Variants in CLVS1 observed in about 807,000 individuals in gnomAD.
CLVS1 encodes the protein clavesin 1, also known as clavesin-1.
CLVS1 carries 10 observed loss-of-function variants against 33.1 expected under a neutral mutation model. The observed-to-expected ratio is 0.30, with a 90% CI of 0.19 to 0.51. The LOEUF (loss-of-function observed/expected upper bound fraction) is 0.51. Among genes scored for constraint, CLVS1 ranks in the 20% least tolerant of loss-of-function variants. The pLI is 0.97. For missense variants in CLVS1, 343 were observed against 433.4 expected (o/e 0.79, Z 1.85); for synonymous variants, 163 against 166.1 (o/e 0.98, Z 0.14).
intron 2 of CLVS1, among the ~76,000 whole-genome samples, chr8:61,334,695 A>T (rs946092458): frequency 6.6e-6 from 1 of 152,114 alleles, no homozygotes; most frequent in Non-Finnish European, 1.5e-5. Context: ...GAGGAGAGGC[A>T]CTTTCCACTG....
Position 61,118,266 on chromosome 8 carries a change from TTTC to T in CLVS1, c.-242-13501_-242-13499del, listed in dbSNP as rs1805780529. The stretch of plus-strand genomic sequence containing the variant: ...CGTCTATTAGATTCTTCTCTCTTTT[TTTC>T]TTTATTAGTCTTGCTAGCGGTCTAT... On this transcript the variant is annotated intron_variant, in intron 1 of 2. Coordinates refer to the CLVS1 transcript ENST00000522621. Among the ~76,000 whole-genome samples the T allele has an allele frequency of 3.3e-5, 5 of 152,282 alleles. No individual in the cohort carries two copies. The South Asian group carries it at 1.0e-3, about 32-fold the overall frequency.
At chr8:61,015,178 C>T in the CLVS1 span, among the ~76,000 whole-genome samples, 1 of 152,222 alleles carries the variant, frequency 6.6e-6, no homozygotes, top group Non-Finnish European at 1.5e-5. Flanking sequence ...CCACTGGCTG[C>T]GCTTCAAGCT....
At chr8:61,433,643 G>A (rs577678117) in intron 3 of CLVS1, among the ~76,000 whole-genome samples, 9 of 152,164 alleles carry the variant, frequency 5.9e-5, no homozygotes, top group East Asian at 1.9e-4. Flanking sequence ...TGTGGGCTTC[G>A]AGTCAGGTGG....
At chr8:61,198,404 G>A (rs1377261380) in intron 2 of CLVS1, among the ~76,000 whole-genome samples, 1 of 152,008 alleles carries the variant, frequency 6.6e-6, no homozygotes, top group Non-Finnish European at 1.5e-5. Context: ...TTTTGAGAGG[G>A]AGTCTCACTC....
At chr8:61,202,930 A>G (rs1807767370) in intron 2 of CLVS1, 2 of 1,350,472 alleles carry the variant, frequency 1.5e-6, no homozygotes, top group South Asian at 1.2e-5. Context: ...GAAGCAATCT[A>G]TACAAGATAC....
At chr8:61,438,311 G>A (rs140371495) in intron 3 of CLVS1, among the ~76,000 whole-genome samples, 76 of 152,272 alleles carry the variant, frequency 5.0e-4, no homozygotes, top group Middle Eastern at 6.8e-3. Flanking sequence ...AGTTTGTTGA[G>A]GATAATGACT....
At chr8:61,028,084 G>A in the CLVS1 span, among the ~76,000 whole-genome samples, 1 of 152,182 alleles carries the variant, frequency 6.6e-6, no homozygotes, top group Non-Finnish European at 1.5e-5. Context: ...AGAAATCTAC[G>A]TGTAATGATG....
chr8:61,153,373 A>T (rs1172473197), intron 2 of CLVS1, among the ~76,000 whole-genome samples: 8 of 152,232 alleles, frequency 5.3e-5, no homozygotes, highest in African/African-American at 1.7e-4. Context: ...GCAGGAAAGC[A>T]GTCACGATGG....
At chr8:61,224,406 TC>T (rs1258672905) in intron 2 of CLVS1, among the ~76,000 whole-genome samples, 1 of 152,192 alleles carries the variant, frequency 6.6e-6, no homozygotes, top group Non-Finnish European at 1.5e-5. Context: ...TGTTTGCTTT[TC>T]TTTCAATAGT....
At chr8:61,356,475 ATGAAGTCC>A (rs1419436410) in intron 2 of CLVS1, among the ~76,000 whole-genome samples, 3 of 151,312 alleles carry the variant, frequency 2.0e-5, no homozygotes, top group African/African-American at 7.3e-5. Context: ...TGTTTTAGAC[ATGAAGTCC>A]TTGCTCATGC....
At chr8:61,413,161 G>T (rs988026893) in intron 3 of CLVS1, among the ~76,000 whole-genome samples, 1 of 151,946 alleles carries the variant, frequency 6.6e-6, no homozygotes, top group Non-Finnish European at 1.5e-5. Context: ...AGAGGGTGGA[G>T]CCCAGCCCAA....
At chr8:61,030,944 AT>A in the CLVS1 span, among the ~76,000 whole-genome samples, 1 of 152,190 alleles carries the variant, frequency 6.6e-6, no homozygotes, top group African/African-American at 2.4e-5. Flanking sequence ...CGCTTTCCTC[AT>A]TTGTAAAATG....
chr8:61,031,080 C>T, the CLVS1 span, among the ~76,000 whole-genome samples: 1 of 152,118 alleles, frequency 6.6e-6, no homozygotes, highest in African/African-American at 2.4e-5. Context: ...TACATTGAAG[C>T]TATTATAGTT....
intron 2 of CLVS1, among the ~76,000 whole-genome samples, chr8:61,134,255 C>T (rs927816799): frequency 6.6e-6 from 1 of 152,114 alleles, no homozygotes; most frequent in Non-Finnish European, 1.5e-5. Context: ...AGATGGAAGA[C>T]CCCCGCCCTC....
the CLVS1 span, among the ~76,000 whole-genome samples, chr8:61,048,266 A>G: frequency 3.3e-5 from 5 of 152,242 alleles, no homozygotes; most frequent in South Asian, 2.1e-4. Context: ...AATGTGTGGC[A>G]GAGCAGGGCA....
At chr8:61,483,959 A>T (rs999858942) in intron 5 of CLVS1, among the ~76,000 whole-genome samples, 1 of 151,910 alleles carries the variant, frequency 6.6e-6, no homozygotes, top group African/African-American at 2.4e-5. Flanking sequence ...AATATGAGCT[A>T]TTTATGAAAA....
intron 2 of CLVS1, among the ~76,000 whole-genome samples, chr8:61,268,465 C>A (rs1019826525): frequency 4.0e-5 from 6 of 151,240 alleles, no homozygotes; most frequent in African/African-American, 1.5e-4. Context: ...TGAATAATGC[C>A]GCAATAAACA....
At chr8:61,333,253 G>A in intron 2 of CLVS1, among the ~76,000 whole-genome samples, 1 of 152,174 alleles carries the variant, frequency 6.6e-6, no homozygotes, top group Non-Finnish European at 1.5e-5. Context: ...TACATACCCA[G>A]TGGCAAATAG....
intron 2 of CLVS1, among the ~76,000 whole-genome samples, chr8:61,263,491 T>C (rs888104921): frequency 6.6e-6 from 1 of 152,218 alleles, no homozygotes; most frequent in Non-Finnish European, 1.5e-5. Context: ...TCAGTTCCTG[T>C]CTAACTCCTT....
Sources: allele counts gnomAD v4.1 joint callset (sites outside exome capture counted in the v4.1 genomes callset), GRCh38; gene constraint gnomAD v4.1.1; transcripts MANE v1.5; gene names NCBI Gene and HGNC (gene_info 2026-07-23, HGNC 2026-07-21).